Variants in PPIL2 observed in about 807,000 individuals in gnomAD.
The protein encoded by PPIL2 is RING-type E3 ubiquitin-protein ligase PPIL2.
Under a neutral mutation model 75.2 loss-of-function variants are expected in PPIL2, and 50 were observed. The observed-to-expected ratio is 0.66, with a 90% CI of 0.53 to 0.84. The LOEUF is 0.84. PPIL2 is among the 40% of genes least tolerant of loss of function. The probability of loss-of-function intolerance (pLI) is 0.00; values close to 1 mark genes in which losing one functional copy is unlikely to be tolerated. For synonymous variants in PPIL2, 245 were observed against 258.8 expected (o/e 0.95, Z 0.51); for missense variants, 590 against 685.0 (o/e 0.86, Z 1.55).
At chr22:21,668,836 C>G (rs1314589095) in intron 1 of PPIL2, among the ~76,000 whole-genome samples, 18 of 150,060 alleles carry the variant, frequency 1.2e-4, no homozygotes, top group Non-Finnish European at 2.7e-4. Flanking sequence ...CTCAGCCTCC[C>G]GAGTAGCTGG....
chr22:21,695,141 G>T, intron 19 of PPIL2, 71 bp downstream of exon 19: 1 of 1,481,254 alleles, frequency 6.8e-7, no homozygotes, highest in South Asian at 1.3e-5. Flanking sequence ...CTGAGGGTCA[G>T]ACCCAGAGGG....
At chr22:21,693,989 T>C in intron 16 of PPIL2, 117 bp downstream of exon 16, 7 of 1,135,008 alleles carry the variant, frequency 6.2e-6, no homozygotes, top group Middle Eastern at 3.9e-4. Context: ...ATGCTGGCCA[T>C]CACTGCTGGG....
At chr22:21,684,295 CA>C (rs1408318053) in intron 9 of PPIL2, among the ~76,000 whole-genome samples, 1 of 21,832 alleles carries the variant, frequency 4.6e-5, no homozygotes, top group Non-Finnish European at 9.4e-5. Context: ...GATTGTAACA[CA>C]AAAAAATTAG....
chr22:21,697,196 G>A lies in PPIL2; in HGVS notation c.*1706G>A, dbSNP rs1025665407. On this transcript the variant is annotated 3_prime_UTR_variant, in exon 20 of 20. Coordinates refer to ENST00000398831, the MANE Select transcript of PPIL2 (RefSeq NM_014337.4). ...GGCCTGCAGAGGAGGGGCACAGTAG[G>A]ACACAGTGACTGCCCAGGTGTCCAC... 3.0e-5 allele frequency: 18 copies of A among 592,074 alleles called. No individual in the cohort carries two copies. The highest frequency in any genetic ancestry group is 4.8e-5 in the Non-Finnish European group (16 of 335,046). The allele number at this position is 592,074 out of a possible 1,614,324, so 36.7% of individuals were successfully genotyped here. A position where few individuals can be genotyped will look rare whatever the true frequency, so the allele number is the denominator to read the frequency against.
Position 21,695,758 on chromosome 22 carries a change from G to A in PPIL2, c.*268G>A, listed in dbSNP as rs1015328954. The A allele has an allele frequency of 7.7e-7, 1 of 1,296,086 alleles. No individual in the cohort carries two copies. The allele number at this position is 1,296,086 out of a possible 1,614,324, so 80.3% of individuals were successfully genotyped here. A position where few individuals can be genotyped will look rare whatever the true frequency, so the allele number is the denominator to read the frequency against. ...AGCACAAGGCCTGCCCTACACCCAG[G>A]CTGGTGCCTCAGGCCTCCCCTCTAG... On this transcript the variant is annotated 3_prime_UTR_variant, in exon 20 of 20. Coordinates refer to ENST00000398831, the MANE Select transcript of PPIL2 (RefSeq NM_014337.4).
At chr22:21,688,189 C>A in intron 14 of PPIL2, 83 bp downstream of exon 14, 1 of 1,539,634 alleles carries the variant, frequency 6.5e-7, no homozygotes, top group Non-Finnish European at 9.0e-7. Context: ...GGGTTGTGCA[C>A]AGCTCAGACA....
At chr22:21,698,638 ACTC>A (rs1402882759), downstream of PPIL2, 1 of 152,248 alleles carries the variant, frequency 6.6e-6, no homozygotes, top group Admixed American at 6.6e-5. Context: ...TTTTCAGTGA[ACTC>A]CTTCTTCCAC....
intron 15 of PPIL2, 111 bp downstream of exon 15, chr22:21,688,960 CGGTGTA>C: frequency 9.7e-6 from 10 of 1,034,594 alleles, no homozygotes; most frequent in Non-Finnish European, 1.5e-5. Flanking sequence ...CATACCCAGA[CGGTGTA>C]CGGCACACCT....
At chr22:21,676,306 A>AG (rs2066845665) in intron 6 of PPIL2, among the ~76,000 whole-genome samples, 2 of 23,338 alleles carry the variant, frequency 8.6e-5, no homozygotes, top group South Asian at 1.9e-3. Context: ...TTATTTATTT[A>AG]TTTTGTGTGT....
chr22:21,696,658 C>T lies in PPIL2; in HGVS notation c.*1168C>T, dbSNP rs1856215908. On this transcript the variant is annotated 3_prime_UTR_variant, in exon 20 of 20. Coordinates refer to ENST00000398831, the MANE Select transcript of PPIL2 (RefSeq NM_014337.4). ...GGCTCCCTGTTGCCCTCAGGCCACCCCCCACTTCTAGTTCTTCACACTAAG... is the reference window on the plus strand; with the variant it reads ...GGCTCCCTGTTGCCCTCAGGCCACCTCCCACTTCTAGTTCTTCACACTAAG... 6.6e-7 allele frequency: 1 copy of T among 1,526,308 alleles called. No individual in the cohort carries two copies. Among genetic ancestry groups the T allele is most frequent in the Non-Finnish European group, 8.8e-7 (1 of 1,141,584 alleles). 94.5% of individuals were successfully genotyped at this position (1,526,308 alleles called of 1,614,324 possible). A position where few individuals can be genotyped will look rare whatever the true frequency, so the allele number is the denominator to read the frequency against.
intron 15 of PPIL2, among the ~76,000 whole-genome samples, chr22:21,691,172 G>A (rs1183306776): frequency 4.6e-5 from 7 of 151,570 alleles, no homozygotes; most frequent in Non-Finnish European, 1.0e-4. Context: ...TCCAACTCCT[G>A]ACCTCAGGTG....
chr22:21,695,844 C>A lies in PPIL2; in HGVS notation c.*354C>A. The A allele has an allele frequency of 1.7e-6, 2 of 1,156,316 alleles. No homozygotes were observed. The highest frequency in any genetic ancestry group is 1.1e-6 in the Non-Finnish European group (1 of 927,898). The allele number at this position is 1,156,316 out of a possible 1,614,324, so 71.6% of individuals were successfully genotyped here. A position where few individuals can be genotyped will look rare whatever the true frequency, so the allele number is the denominator to read the frequency against. On this transcript the variant is annotated 3_prime_UTR_variant, in exon 20 of 20. Coordinates refer to ENST00000398831, the MANE Select transcript of PPIL2 (RefSeq NM_014337.4). Reference sequence around the variant, plus strand: ...CCAGATTGTGGTTTCCTCTTTAAGACAGGGTCTTGCTCTGTTGCCCAGGCT... The same window carrying A: ...CCAGATTGTGGTTTCCTCTTTAAGAAAGGGTCTTGCTCTGTTGCCCAGGCT...
At chr22:21,698,380 C>CA (rs1363094205), downstream of PPIL2, 1 of 151,986 alleles carries the variant, frequency 6.6e-6, no homozygotes, top group Non-Finnish European at 1.5e-5. Flanking sequence ...CGAACTTGCC[C>CA]AAAACAGAAA....
At position 21,684,935 on chromosome 22, in the gene PPIL2, G is replaced by A. The variant is rs370879726; in HGVS notation, c.714+22G>A. ...CGCTGTGAGTGGCGGAGGGCACTCG[G>A]CCAAGCCCAAGCCCCGTCTTCCTGC... On this transcript the variant is annotated intron_variant, in intron 10 of 19. Coordinates refer to ENST00000398831, the MANE Select transcript of PPIL2 (RefSeq NM_014337.4). The A allele has an allele frequency of 3.7e-6, 6 of 1,611,192 alleles. No homozygotes were observed. In the African/African-American group the frequency reaches 4.0e-5, roughly 11 times the overall value.
At chr22:21,686,767 A>G in intron 11 of PPIL2, 125 bp from the exon 12 acceptor site, 2 of 1,103,854 alleles carry the variant, frequency 1.8e-6, no homozygotes, top group African/African-American at 3.1e-5. Flanking sequence ...CTCGGCCTCC[A>G]GCTCCCCTGC....
intron 6 of PPIL2, among the ~76,000 whole-genome samples, chr22:21,677,345 C>T (rs1416885834): frequency 3.3e-5 from 5 of 152,176 alleles, no homozygotes; most frequent in East Asian, 1.9e-4. Context: ...CCAAGGCAGG[C>T]GGCTGGGAGG....
At chr22:21,692,663 C>T (rs1462656093) in intron 15 of PPIL2, among the ~76,000 whole-genome samples, 2 of 151,456 alleles carry the variant, frequency 1.3e-5, no homozygotes, top group Admixed American at 6.6e-5. Flanking sequence ...CAGTGGCTCA[C>T]GCCTGTAATC....
At chr22:21,668,714 ATT>A (rs145174874) in intron 1 of PPIL2, among the ~76,000 whole-genome samples, 84 of 130,806 alleles carry the variant, frequency 6.4e-4, no homozygotes, top group Middle Eastern at 3.8e-3. Flanking sequence ...ATAAGATACC[ATT>A]TTTTTTTTTT....
At chr22:21,667,235 C>T (rs1432462223) in intron 1 of PPIL2, among the ~76,000 whole-genome samples, 1 of 151,048 alleles carries the variant, frequency 6.6e-6, no homozygotes. Flanking sequence ...TGGCTCACCG[C>T]AACCTCCGCT....
Sources: gnomAD v4.1 joint callset for allele counts (sites outside exome capture counted in the v4.1 genomes callset) on GRCh38, gnomAD v4.1.1 for gene constraint, MANE v1.5 for transcripts, NCBI Gene and HGNC (gene_info 2026-07-23, HGNC 2026-07-21) for gene names.